SYNE2: variants seen among roughly 807,000 people sequenced by gnomAD.
SYNE2 encodes the protein nesprin-2.
SYNE2 carries 431 observed loss-of-function variants against 856.3 expected under a neutral mutation model. That is an observed-to-expected ratio of 0.50 (90% CI 0.47 to 0.55). The LOEUF is 0.55. SYNE2 is among the 20% of genes least tolerant of loss of function. SYNE2 has a pLI of 0.00. For synonymous variants in SYNE2, 2,923 were observed against 2,872.3 expected (o/e 1.02, Z -0.56); for missense variants, 8,129 against 8,023.2 (o/e 1.01, Z -0.50).
In SYNE2 at chr14:64,133,834, C is replaced by T. The variant is rs1284955285; in HGVS notation, c.14515-235C>T. Among the ~76,000 whole-genome samples the T allele has an allele frequency of 3.3e-5, 5 of 152,142 alleles. No individual in the cohort carries two copies. The East Asian group carries it at 9.6e-4, about 29-fold the overall frequency. ...CCAGTTTGACAAGACAAGCATAAAA[C>T]ACTAAATGCCAACTCAGATTCTTTT... On this transcript the variant is annotated intron_variant, in intron 77 of 115. Transcript: ENST00000555002.
intron 1 of SYNE2, among the ~76,000 whole-genome samples, chr14:63,817,175 G>A (rs1889024809): frequency 6.6e-6 from 1 of 152,100 alleles, no homozygotes; most frequent in Non-Finnish European, 1.5e-5. Flanking sequence ...TACAACACAG[G>A]TCAGCCAGGT....
At chr14:64,138,060 T>A in intron 79 of SYNE2, 77 bp downstream of exon 79, 1 of 1,508,948 alleles carries the variant, frequency 6.6e-7, no homozygotes, top group Admixed American at 2.0e-5. Flanking sequence ...GTCAACTAAA[T>A]TTTACCTGCA....
At chr14:64,038,517 C>T (rs1343896045) in intron 45 of SYNE2, among the ~76,000 whole-genome samples, 1 of 152,208 alleles carries the variant, frequency 6.6e-6, no homozygotes, top group African/African-American at 2.4e-5. Flanking sequence ...TTGTAGCGAG[C>T]CGAGATCACG....
rs368632899 is a variant in SYNE2 at position 64,226,371 on chromosome 14, C to T, written c.*845C>T. ...TGGGGGCGGGGGGTTGGTACAGAAA[C>T]TTGAAGCTGTTTGTGATATGTACAA... On this transcript the variant is annotated 3_prime_UTR_variant, in exon 116 of 116. Transcript: ENST00000555002. 2.6e-5 allele frequency: 4 copies of T among 152,556 alleles called. No homozygotes were observed. The highest frequency in any genetic ancestry group is 9.6e-5 in the African/African-American group (4 of 41,500). 9.5% of individuals were successfully genotyped at this position (152,556 alleles called of 1,614,324 possible).
At position 64,184,163 on chromosome 14, in the gene SYNE2, C is replaced by T. The variant is rs1012344264; in HGVS notation, c.17557-2261C>T. 1.1e-4 allele frequency among the ~76,000 whole-genome samples: 17 copies of T among 152,158 alleles called. 1 individual carries two copies. Among genetic ancestry groups the T allele is most frequent in the Admixed American group, 9.8e-4 (15 of 15,280 alleles). ...ATTTTAAAGCTCTCGAGACATACAG[C>T]CAAATTGCTTTCCTTTCAGCCGTAC... On this transcript the variant is annotated intron_variant, in intron 96 of 115. Transcript: ENST00000555002.
intron 2 of SYNE2, among the ~76,000 whole-genome samples, chr14:63,925,152 G>A (rs534863848): frequency 6.6e-6 from 1 of 151,556 alleles, no homozygotes. Context: ...TAAATAGATA[G>A]ATAGATAGAC....
chr14:63,993,860 A>T lies in SYNE2; in HGVS notation c.2672A>T (p.Lys891Ile), dbSNP rs2096689692. The T allele has an allele frequency of 6.2e-7, 1 of 1,610,092 alleles. No individual in the cohort carries two copies. Among genetic ancestry groups the T allele is most frequent in the African/African-American group, 1.3e-5 (1 of 74,616 alleles). Residue 891 changes from lysine to isoleucine, a missense_variant, in exon 22 of 116, where the codon AAA becomes ATA. Lys to Ile is a moderately radical substitution (Grantham distance 102). Coordinates refer to ENST00000555002, the MANE Select transcript of SYNE2 (RefSeq NM_182914.3). ...GAAGCACTAATAATTTCTAATACAA[A>T]AAGTCTGGCCAAGTATTTGAAAGCT... ...HKEALIISNT[K>I]SLAKYLKAVE...
intron 64 of SYNE2, among the ~76,000 whole-genome samples, chr14:64,104,767 G>A (rs1260563468): frequency 1.3e-5 from 2 of 151,986 alleles, no homozygotes; most frequent in Non-Finnish European, 2.9e-5. Flanking sequence ...TTTTCTTTCA[G>A]GGCAATTTTA....
intron 1 of SYNE2, among the ~76,000 whole-genome samples, chr14:63,822,529 T>C (rs572439812): frequency 6.6e-6 from 1 of 152,274 alleles, no homozygotes; most frequent in East Asian, 1.9e-4. Context: ...CAGTTAGAGC[T>C]AACAAGGTGA....
chr14:63,801,992 A>C (rs1888148582), intron 1 of SYNE2, among the ~76,000 whole-genome samples: 1 of 152,076 alleles, frequency 6.6e-6, no homozygotes, highest in Non-Finnish European at 1.5e-5. Flanking sequence ...AGGCAAAAGC[A>C]ATAAAATACT....
In SYNE2 at chr14:64,026,646, G is replaced by T; in HGVS notation, c.6320G>T (p.Ser2107Ile). Reference sequence around the variant, plus strand: ...ACCATCATGAAGCAGGCTGAGAGCAGCGAGGCCCCGCTGGTTCAGAAGACC... The same window carrying T: ...ACCATCATGAAGCAGGCTGAGAGCATCGAGGCCCCGCTGGTTCAGAAGACC... ...IETIMKQAES[S>I]EAPLVQKTLT... is the part of the protein sequence containing the mutation. Residue 2107 changes from serine to isoleucine, a missense_variant, in exon 42 of 116, where the codon AGC becomes ATC. Transcript: ENST00000555002. 6.2e-7 allele frequency: 1 copy of T among 1,613,634 alleles called. No individual in the cohort carries two copies. Among genetic ancestry groups the T allele is most frequent in the South Asian group, 1.1e-5 (1 of 90,988 alleles).
Position 63,909,212 on chromosome 14 carries a change from C to T in SYNE2, c.64C>T (p.His22Tyr). The T allele has an allele frequency of 6.2e-7, 1 of 1,612,268 alleles. No individual in the cohort carries two copies. Among genetic ancestry groups the T allele is most frequent in the South Asian group, 1.1e-5 (1 of 90,988 alleles). The change falls in exon 2 of 116, where the codon CAT (histidine) becomes TAT (tyrosine). Residue 22 changes from histidine (H) to tyrosine (Y), a missense_variant. By Grantham distance (83) the His-to-Tyr change is moderately conservative (BLOSUM62 2). Around this residue, in one of 3 missense-constraint regions of SYNE2, gnomAD observed 2,422 missense variants for 2,357.4 expected, o/e 1.03. Coordinates refer to ENST00000555002, the MANE Select transcript of SYNE2 (RefSeq NM_182914.3). ...EQGSWGIDDL[H>Y]ISLQAEQEDT... ...GGGTTCCTGGGGCATCGACGATCTC[C>T]ATATTTCATTGCAAGGTAATTAAGA...
intron 1 of SYNE2, among the ~76,000 whole-genome samples, chr14:63,796,620 A>T (rs974574241): frequency 6.6e-6 from 1 of 152,202 alleles, no homozygotes; most frequent in Non-Finnish European, 1.5e-5. Context: ...ATGCTTTATC[A>T]GTCTTCTAGA....
At position 64,065,544 on chromosome 14, in the gene SYNE2, T is replaced by A; in HGVS notation, c.10325T>A (p.Ile3442Asn). 1 of 1,614,098 alleles carries A rather than the reference T, an allele frequency of 6.2e-7. No homozygotes were observed. The highest frequency in any genetic ancestry group is 1.1e-5 in the South Asian group (1 of 91,078). Residue 3442 changes from isoleucine to asparagine, a missense_variant, in exon 51 of 116, where the codon ATT (isoleucine) becomes AAT (asparagine). Coordinates refer to ENST00000555002, the MANE Select transcript of SYNE2 (RefSeq NM_182914.3). ...AATGATGGCATATGTTTGCTCAAGATTGTGTCGGCTCTGTGGGAGAAATGG... is the reference window on the plus strand; with the variant it reads ...AATGATGGCATATGTTTGCTCAAGAATGTGTCGGCTCTGTGGGAGAAATGG... ...TENDGICLLK[I>N]VSALWEKWLS...
chr14:64,126,349 A>G lies in SYNE2; in HGVS notation c.13577A>G (p.Tyr4526Cys), dbSNP rs112578950. 6.2e-6 allele frequency: 10 copies of G among 1,614,056 alleles called. No individual in the cohort carries two copies. The highest frequency in any genetic ancestry group is 4.0e-5 in the African/African-American group (3 of 75,058). The change falls in exon 72 of 116, where the codon TAT (tyrosine) becomes TGT (cysteine). Residue 4526 changes from tyrosine (Y) to cysteine (C), a missense_variant. By Grantham distance (194) the Tyr-to-Cys change is radical. Transcript: ENST00000555002. ...CAGGAAAATATGACAGAAGAAGCAT[A>G]TATCAATTTGGATAAAAAATTGTTT... ...QTQENMTEEA[Y>C]INLDKKLFEL...
chr14:63,811,723 C>T (rs1888621799), intron 1 of SYNE2, among the ~76,000 whole-genome samples: 1 of 152,124 alleles, frequency 6.6e-6, no homozygotes, highest in Non-Finnish European at 1.5e-5. Flanking sequence ...AATTTTACAG[C>T]TAGGCTTCCG....
At chr14:64,047,507 C>G (rs1194991660) in intron 45 of SYNE2, among the ~76,000 whole-genome samples, 1 of 152,192 alleles carries the variant, frequency 6.6e-6, no homozygotes, top group African/African-American at 2.4e-5. Flanking sequence ...TTTAAACTGT[C>G]TTTGGCATGG....
rs2097930592 is a variant in SYNE2 at position 64,125,183 on chromosome 14, C to T, written c.13527C>T (p.Arg4509=). The T allele has an allele frequency of 6.2e-7, 1 of 1,614,030 alleles. No individual in the cohort carries two copies. Among genetic ancestry groups the T allele is most frequent in the African/African-American group, 1.3e-5 (1 of 74,920 alleles). ...KTYTTQLEDL[R]QEASNLQTQE... is the part of the protein sequence containing the mutation. The stretch of plus-strand genomic sequence containing the variant: ...ATACCACCCAACTTGAAGACCTGCG[C>T]CAAGAAGCAAGTAACCTTCAGACAC... Residue 4509 remains arginine, a synonymous_variant, in exon 71 of 116, where the codon CGC becomes CGT. Coordinates refer to ENST00000555002, the MANE Select transcript of SYNE2 (RefSeq NM_182914.3).
At chr14:63,948,156 G>GACACACACAGACACAC (rs151256085) in intron 6 of SYNE2, among the ~76,000 whole-genome samples, 8 of 124,338 alleles carry the variant, frequency 6.4e-5, no homozygotes, top group African/African-American at 2.3e-4. Context: ...TACACACACA[G>GACACACACAGACACAC]ACACACACAT....
Sources: gnomAD v4.1 joint callset for allele counts (sites outside exome capture counted in the v4.1 genomes callset) on GRCh38, gnomAD v4.1.1 for gene constraint, gnomAD v4.1.1 regional missense constraint, MANE v1.5 for transcripts, NCBI Gene and HGNC (gene_info 2026-07-23, HGNC 2026-07-21) for gene names.